The following ASH1L variants were observed in gnomAD, a reference collection of about 807,000 sequenced individuals.
ASH1L encodes the protein ASH1 like histone lysine methyltransferase, also known as histone-lysine N-methyltransferase ASH1L.
ASH1L carries 23 observed loss-of-function variants against 269.0 expected under a neutral mutation model. The observed-to-expected ratio is 0.09, with a 90% CI of 0.06 to 0.12. The LOEUF (loss-of-function observed/expected upper bound fraction) is 0.12. ASH1L is among the 10% of genes least tolerant of loss of function. ASH1L has a pLI of 1.00. For missense variants in ASH1L, 2,912 were observed against 3,567.8 expected (o/e 0.82, Z 4.68); for synonymous variants, 1,187 against 1,253.5 (o/e 0.95, Z 1.12).
At chr1:155,341,739 A>G (rs1052214478) in intron 25 of ASH1L, among the ~76,000 whole-genome samples, 197 bp downstream of exon 25, 2 of 152,294 alleles carry the variant, frequency 1.3e-5, no homozygotes, top group East Asian at 1.9e-4. Context: ...CTATATCAAC[A>G]ATTTTCTGAG....
In ASH1L at chr1:155,507,296, C is replaced by T. The variant is rs536330778; in HGVS notation, c.420+13804G>A. 2.5e-3 allele frequency among the ~76,000 whole-genome samples: 362 copies of T among 147,668 alleles called. 1 individual carries two copies. The highest frequency in any genetic ancestry group is 8.4e-3 in the African/African-American group (338 of 40,150). On this transcript the variant is annotated intron_variant, in intron 2 of 27. Transcript: ENST00000392403. ...ACTCCGTCTCAAAAAAAAAAAAAAACGCTTCACTGAAATTCAAAATTATTT... is the reference window on the plus strand; with the variant it reads ...ACTCCGTCTCAAAAAAAAAAAAAAATGCTTCACTGAAATTCAAAATTATTT...
At position 155,339,316 on chromosome 1, in the gene ASH1L, C is replaced by A. The variant is rs1652568548; in HGVS notation, c.8501+12G>T. 6.2e-7 allele frequency: 1 copy of A among 1,612,726 alleles called. No homozygotes were observed. The highest frequency in any genetic ancestry group is 8.5e-7 in the Non-Finnish European group (1 of 1,178,856). On this transcript the variant is annotated intron_variant, in intron 26 of 27. Transcript: ENST00000392403. ...ATCCCTTAGGATCCTCATATCCCCC[C>A]ATGGGACTTACCGTCCTCCATTCCT... is the stretch of plus-strand genomic sequence containing the variant.
chr1:155,355,938 GTTT>G (rs980591089), intron 15 of ASH1L, among the ~76,000 whole-genome samples: 6 of 114,642 alleles, frequency 5.2e-5, no homozygotes, highest in African/African-American at 2.0e-4. Flanking sequence ...TTTGCTTTTT[GTTT>G]TTTTTTGTTT....
At chr1:155,530,950 A>G (rs1669633274) in intron 1 of ASH1L, among the ~76,000 whole-genome samples, 1 of 151,808 alleles carries the variant, frequency 6.6e-6, no homozygotes, top group Non-Finnish European at 1.5e-5. Flanking sequence ...CTCCAGAGGC[A>G]CTCCAGCCTG....
rs540848565 is a variant in ASH1L, at chr1:155,480,582, T to C, written c.2288A>G (p.Asn763Ser). ...SNSEPAKFMK[N>S]IGPPSFVDHD... ...ATCTACAAATGAAGGGGGTCCAATG[T>C]TTTTCATAAACTTGGCTGGCTCAGA... The change falls in exon 3 of 28, where the codon AAC becomes AGC. Residue 763 changes from asparagine to serine, a missense_variant. Asn to Ser is a conservative substitution (Grantham distance 46). Coordinates refer to ENST00000392403, the MANE Select transcript of ASH1L (RefSeq NM_018489.3). 1 of 1,614,108 alleles carries C rather than the reference T, an allele frequency of 6.2e-7. No individual in the cohort carries two copies. Among genetic ancestry groups the C allele is most frequent in the Non-Finnish European group, 8.5e-7 (1 of 1,179,968 alleles).
At chr1:155,525,981 T>C (rs1357612974) in intron 1 of ASH1L, among the ~76,000 whole-genome samples, 1 of 152,222 alleles carries the variant, frequency 6.6e-6, no homozygotes, top group Non-Finnish European at 1.5e-5. Flanking sequence ...TATTAAACTG[T>C]ACTTTAAAAT....
chr1:155,352,297 CAAAAAAAAA>C (rs1281473342), intron 17 of ASH1L, among the ~76,000 whole-genome samples: 1 of 28,118 alleles, frequency 3.6e-5, no homozygotes, highest in African/African-American at 1.2e-4. Context: ...ACCTCCATCT[CAAAAAAAAA>C]AAAAAAAAAA....
intron 16 of ASH1L, 44 bp from the exon 17 acceptor site, chr1:155,352,902 T>G (rs376055154): frequency 6.5e-6 from 10 of 1,536,432 alleles, no homozygotes; most frequent in Non-Finnish European, 8.8e-6. Context: ...AACAAGGAGC[T>G]CTACATGTCT....
In ASH1L at chr1:155,521,629, G is replaced by A. The variant is rs944932344; in HGVS notation, c.-99-11C>T. 4 of 1,024,012 alleles carry A rather than the reference G, an allele frequency of 3.9e-6. No homozygotes were observed. The African/African-American group carries it at 6.4e-5, about 16-fold the overall frequency. 63.4% of individuals were successfully genotyped at this position (1,024,012 alleles called of 1,614,324 possible). ...AACCAGCATCTTTCTCTGCAGAACA[G>A]ATCATAACAAAAATTTATCAGAAAA... On this transcript the variant is annotated splice_polypyrimidine_tract_variant and intron_variant, in intron 1 of 27. Coordinates refer to ENST00000392403, the MANE Select transcript of ASH1L (RefSeq NM_018489.3).
chr1:155,431,549 G>A (rs1661601583), intron 5 of ASH1L, among the ~76,000 whole-genome samples: 1 of 151,964 alleles, frequency 6.6e-6, no homozygotes, highest in South Asian at 2.1e-4. Flanking sequence ...TCGCTTGAGT[G>A]CAGGAGTTCA....
chr1:155,356,562 G>C (rs899419308), intron 15 of ASH1L, among the ~76,000 whole-genome samples: 1 of 151,056 alleles, frequency 6.6e-6, no homozygotes, highest in Non-Finnish European at 1.5e-5. Flanking sequence ...GTGAACCCAG[G>C]AGGCGGAGCT....
intron 17 of ASH1L, among the ~76,000 whole-genome samples, chr1:155,350,898 G>A (rs1290845818): frequency 6.9e-6 from 1 of 145,564 alleles, no homozygotes; most frequent in African/African-American, 2.6e-5. Flanking sequence ...TCCAGCCTGG[G>A]CGACAGAACA....
Position 155,480,100 on chromosome 1 carries a change from A to T in ASH1L, c.2770T>A (p.Ser924Thr). The T allele has an allele frequency of 6.2e-7, 1 of 1,614,078 alleles. No individual in the cohort carries two copies. The highest frequency in any genetic ancestry group is 1.3e-5 in the African/African-American group (1 of 75,016). The change falls in exon 3 of 28, where the codon TCT becomes ACT. Residue 924 changes from serine to threonine, a missense_variant. By Grantham distance (58) the Ser-to-Thr change is moderately conservative. Around this residue, in one of 13 missense-constraint regions of ASH1L, gnomAD observed 715 missense variants for 721.0 expected, o/e 0.99. Transcript: ENST00000392403. ...CTACTTCTATGGTTGTCACTTTCAG[A>T]TTCTAGCTTGCTTGGACTTTCAGTG... ...VATESPSKLE[S>T]ESDNHRSSSD...
intron 1 of ASH1L, among the ~76,000 whole-genome samples, chr1:155,529,128 TC>T (rs1265254105): frequency 2.6e-5 from 4 of 152,202 alleles, no homozygotes; most frequent in Non-Finnish European, 4.4e-5. Flanking sequence ...TAATCCCATG[TC>T]TTTGCTATTG....
At chr1:155,400,847 A>G (rs1658774749) in intron 6 of ASH1L, among the ~76,000 whole-genome samples, 1 of 152,202 alleles carries the variant, frequency 6.6e-6, no homozygotes, top group Admixed American at 6.5e-5. Flanking sequence ...GAGACGGTCC[A>G]GACCCAGACA....
In ASH1L at chr1:155,413,226, C is replaced by T. The variant is rs144241356; in HGVS notation, c.6008+2518G>A. Among the ~76,000 whole-genome samples the T allele has an allele frequency of 4.7e-3, 708 of 151,990 alleles. 2 individuals are homozygous for T. Among genetic ancestry groups the T allele is most frequent in the Middle Eastern group, 0.02 (6 of 294 alleles). ...CACCTAGAGTAATGACCATTATTTC[C>T]GCAACCTGTCTTATGGCTAAAGTGT... On this transcript the variant is annotated intron_variant, in intron 6 of 27. Transcript: ENST00000392403.
intron 19 of ASH1L, among the ~76,000 whole-genome samples, chr1:155,348,863 A>T (rs1653602558): frequency 6.6e-6 from 1 of 150,530 alleles, no homozygotes; most frequent in East Asian, 2.0e-4. Context: ...CCTGGGTGAC[A>T]GAGCAAGATT....
At position 155,357,758 on chromosome 1, in the gene ASH1L, G is replaced by A. The variant is rs771521603; in HGVS notation, c.6796-9C>T. 1.9e-6 allele frequency: 3 copies of A among 1,598,498 alleles called. No individual in the cohort carries two copies. Among genetic ancestry groups the A allele is most frequent in the South Asian group, 2.3e-5 (2 of 87,696 alleles). ...CCACACTTACAAAGTTGCTTTGAAG[G>A]GAGAGAATAATTTTTTTATTTTTAT... On this transcript the variant is annotated splice_polypyrimidine_tract_variant and intron_variant, in intron 13 of 27. Coordinates refer to ENST00000392403, the MANE Select transcript of ASH1L (RefSeq NM_018489.3).
At chr1:155,485,433 C>T (rs994733375) in intron 2 of ASH1L, among the ~76,000 whole-genome samples, 15 of 152,196 alleles carry the variant, frequency 9.9e-5, no homozygotes, top group Non-Finnish European at 1.8e-4. Flanking sequence ...ATCCTCCCCC[C>T]GCTCAGCCTT....
Sources: allele counts gnomAD v4.1 joint callset (sites outside exome capture counted in the v4.1 genomes callset), GRCh38; gene constraint gnomAD v4.1.1; regional missense constraint gnomAD v4.1.1; transcripts MANE v1.5; gene names NCBI Gene and HGNC (gene_info 2026-07-23, HGNC 2026-07-21).